Variants in CELSR3 observed in about 807,000 individuals in gnomAD.
The protein encoded by CELSR3 is EGF-like protein 1.
A neutral mutation model predicts 270.0 loss-of-function variants in CELSR3; 73 were observed. That is an observed-to-expected ratio of 0.27 (90% CI 0.22 to 0.33). The LOEUF is 0.33. CELSR3 is among the 10% of genes least tolerant of loss of function. The pLI is 1.00. For synonymous variants in CELSR3, 1,780 were observed against 1,905.4 expected (o/e 0.93, Z 1.71); for missense variants, 3,614 against 4,533.8 (o/e 0.80, Z 5.83).
Position 48,659,730 on chromosome 3 carries a change from G to A in CELSR3, c.2905C>T (p.Leu969=). The A allele has an allele frequency of 6.2e-7, 1 of 1,614,228 alleles. No individual in the cohort carries two copies. Among genetic ancestry groups the A allele is most frequent in the African/African-American group, 1.3e-5 (1 of 75,058 alleles). The change falls in exon 1 of 35, where the codon CTG becomes TTG. Residue 969 remains leucine, a synonymous_variant. Coordinates refer to ENST00000164024, the MANE Select transcript of CELSR3 (RefSeq NM_001407.3). This position sits in a 1 kb window ranked among gnomAD's most constrained non-coding sequence, Gnocchi z 8.1. ...AAAGGTGGGGCATCCTCAGAGACCA[G>A]CCCTGTATAGTGGGAGGCCACAAAT... ...PQFVASHYTG[L]VSEDAPPFTS...
At position 48,651,805 on chromosome 3, in the gene CELSR3, G is replaced by A. The variant is rs191182099; in HGVS notation, c.5923+72C>T. 5 of 1,543,978 alleles carry A rather than the reference G, an allele frequency of 3.2e-6. No individual in the cohort carries two copies. In the Admixed American group the frequency reaches 1.0e-4, roughly 32 times the overall value. On this transcript the variant is annotated intron_variant, in intron 12 of 34. Transcript: ENST00000164024. This position sits in a 1 kb window ranked among gnomAD's most constrained non-coding sequence, Gnocchi z 7.4. ...CGTCCCGAGTCCCTGCCTCCTTCAG[G>A]TTCCCCAGTCTTCATCATGGGCCCC... is the stretch of plus-strand genomic sequence containing the variant.
Position 48,650,442 on chromosome 3 carries a change from C to A in CELSR3, c.6472+38G>T. On this transcript the variant is annotated intron_variant, in intron 16 of 34. Coordinates refer to ENST00000164024, the MANE Select transcript of CELSR3 (RefSeq NM_001407.3). The surrounding 1 kb of genome is among the most constrained non-coding windows in gnomAD (Gnocchi z 5.1). ...CTAGCAGTCAGAGTACAGGCCCACC[C>A]CCACCCTCAGTGATGTCCTTTCCCC... is the stretch of plus-strand genomic sequence containing the variant. The A allele has an allele frequency of 6.0e-6, 5 of 829,402 alleles. No homozygotes were observed. The highest frequency in any genetic ancestry group is 5.5e-5 in the South Asian group (4 of 72,082). The allele number at this position is 829,402 out of a possible 1,614,324, so 51.4% of individuals were successfully genotyped here.
chr3:48,659,806 G>A lies in CELSR3; in HGVS notation c.2829C>T (p.Asp943=), dbSNP rs748726639. 1.9e-6 allele frequency: 3 copies of A among 1,614,200 alleles called. No individual in the cohort carries two copies. The change falls in exon 1 of 35, where the codon GAC becomes GAT. Residue 943 remains aspartate, a synonymous_variant. Transcript: ENST00000164024. This position sits in a 1 kb window ranked among gnomAD's most constrained non-coding sequence, Gnocchi z 8.1. ...TGACCATCACCTCCACATAAGTAGT[G>A]TCTGCCTTCTGTGGGATGCCATTGT... ...ARDNGIPQKA[D]TTYVEVMVND...
At position 48,656,906 on chromosome 3, in the gene CELSR3, G is replaced by C. The variant is rs768627524; in HGVS notation, c.4191C>G (p.Asp1397Glu). 5 of 1,610,504 alleles carry C rather than the reference G, an allele frequency of 3.1e-6. No individual in the cohort carries two copies. The highest frequency in any genetic ancestry group is 1.1e-5 in the South Asian group (1 of 90,526). ...CCGAGGCCAGGAAGGGCGCGGACGA[G>C]TCAAAGCGGAGCACGGACACGCATT... ...YMKCVSVLRFDSSAPFLASAS... is the reference protein window; with the variant it reads ...YMKCVSVLRFESSAPFLASAS... Residue 1397 changes from aspartate (D) to glutamate (E), a missense_variant, in exon 2 of 35, where the codon GAC (aspartate) becomes GAG (glutamate). Asp to Glu is a conservative substitution (Grantham distance 45). Transcript: ENST00000164024.
At position 48,661,255 on chromosome 3, in the gene CELSR3, G is replaced by A. The variant is rs1480603299; in HGVS notation, c.1380C>T (p.Gly460=). Residue 460 remains glycine, a synonymous_variant, in exon 1 of 35, where the codon GGC becomes GGT. Coordinates refer to ENST00000164024, the MANE Select transcript of CELSR3 (RefSeq NM_001407.3). ...GCAGGTTGGCGTTGGGGGGCGCGTC[G>A]CCGTCAGTGGCACGCAGCTGCAGGA... ...YPILQLRATD[G]DAPPNANLRY... 5.6e-6 allele frequency: 9 copies of A among 1,609,096 alleles called. No individual in the cohort carries two copies. In the East Asian group the frequency reaches 2.0e-4, roughly 36 times the overall value.
chr3:48,647,066 G>T, intron 20 of CELSR3, 138 bp from the exon 21 acceptor site: 2 of 758,870 alleles, frequency 2.6e-6, no homozygotes, highest in Non-Finnish European at 4.0e-6. Context: ...CATGAACCCA[G>T]AAAGTAACAG....
In CELSR3 at chr3:48,655,951, A is replaced by G; in HGVS notation, c.4626-100T>C. On this transcript the variant is annotated intron_variant, in intron 3 of 34. Coordinates refer to ENST00000164024, the MANE Select transcript of CELSR3 (RefSeq NM_001407.3). The surrounding 1 kb of genome is among the most constrained non-coding windows in gnomAD (Gnocchi z 5.8). ...CGAGGAGAAGGGGCTGGGGCGAGAG[A>G]GGAAGCGACGAGGGACGGCGGGACC... The G allele has an allele frequency of 8.4e-7, 1 of 1,192,972 alleles. No individual in the cohort carries two copies. Among genetic ancestry groups the G allele is most frequent in the Non-Finnish European group, 1.2e-6 (1 of 831,258 alleles). 73.9% of individuals were successfully genotyped at this position (1,192,972 alleles called of 1,614,324 possible).
chr3:48,653,327 G>A lies in CELSR3; in HGVS notation c.5449-140C>T, dbSNP rs2047153967. On this transcript the variant is annotated intron_variant, in intron 9 of 34. Transcript: ENST00000164024. The surrounding 1 kb of genome is among the most constrained non-coding windows in gnomAD (Gnocchi z 6.5). ...GGTTATACCTGGCACAAAGGGCACT[G>A]TGCCAGGGGACATCATGTTGCTGAT... The A allele has an allele frequency of 2.5e-6, 2 of 785,962 alleles. No homozygotes were observed. The highest frequency in any genetic ancestry group is 1.7e-5 in the African/African-American group (1 of 57,298). 48.7% of individuals were successfully genotyped at this position (785,962 alleles called of 1,614,324 possible). A position where few individuals can be genotyped will look rare whatever the true frequency, so the allele number is the denominator to read the frequency against.
rs1043838373 is a variant in CELSR3, at chr3:48,642,251, A to G, written c.8665+107T>C. ...CCTCCTGAGGCAGGGACCCTGGGGG[A>G]GATCGTCCCACCCCAGTCAGCCACT... On this transcript the variant is annotated intron_variant, in intron 31 of 34. Coordinates refer to ENST00000164024, the MANE Select transcript of CELSR3 (RefSeq NM_001407.3). This position sits in a 1 kb window ranked among gnomAD's most constrained non-coding sequence, Gnocchi z 6.1. 1 of 1,213,100 alleles carries G rather than the reference A, an allele frequency of 8.2e-7. No homozygotes were observed. Among genetic ancestry groups the G allele is most frequent in the Non-Finnish European group, 1.1e-6 (1 of 878,644 alleles). 75.1% of individuals were successfully genotyped at this position (1,213,100 alleles called of 1,614,324 possible). A position where few individuals can be genotyped will look rare whatever the true frequency, so the allele number is the denominator to read the frequency against.
Position 48,658,872 on chromosome 3 carries a change from C to T in CELSR3, c.3748+15G>A. On this transcript the variant is annotated intron_variant, in intron 1 of 34. Coordinates refer to ENST00000164024, the MANE Select transcript of CELSR3 (RefSeq NM_001407.3). The surrounding 1 kb of genome is among the most constrained non-coding windows in gnomAD (Gnocchi z 4.7). ...TTGGTGTCACTGGGTCACTTGCCTG[C>T]CCCCTGCCCCTCACCTGTGACAGTC... 1.2e-6 allele frequency: 2 copies of T among 1,608,064 alleles called. No homozygotes were observed. The highest frequency in any genetic ancestry group is 1.7e-6 in the Non-Finnish European group (2 of 1,175,790).
At position 48,661,613 on chromosome 3, in the gene CELSR3, C is replaced by A; in HGVS notation, c.1022G>T (p.Gly341Val). 6.2e-7 allele frequency: 1 copy of A among 1,607,464 alleles called. No homozygotes were observed. Among genetic ancestry groups the A allele is most frequent in the Non-Finnish European group, 8.5e-7 (1 of 1,177,362 alleles). The change falls in exon 1 of 35, where the codon GGC becomes GTC. Residue 341 changes from glycine to valine, a missense_variant. By Grantham distance (109) the Gly-to-Val change is moderately radical. This residue lies in a region of CELSR3 where 354 missense variants were observed against 500.9 expected (regional missense o/e 0.71). Coordinates refer to ENST00000164024, the MANE Select transcript of CELSR3 (RefSeq NM_001407.3). ...QTLVPENEAA[G>V]TAVLRVVAQD... The stretch of plus-strand genomic sequence containing the variant: ...AGCAACCACGCGTAGCACCGCGGTG[C>A]CTGCTGCCTCATTCTCCGGCACCAG...
Position 48,637,103 on chromosome 3 carries a change from T to G in CELSR3, c.*1102A>C, listed in dbSNP as rs1237097863. 6.6e-6 allele frequency: 1 copy of G among 152,530 alleles called. No homozygotes were observed. The highest frequency in any genetic ancestry group is 1.5e-5 in the Non-Finnish European group (1 of 68,030). The allele number at this position is 152,530 out of a possible 1,614,324, so 9.4% of individuals were successfully genotyped here. On this transcript the variant is annotated 3_prime_UTR_variant, in exon 35 of 35. Transcript: ENST00000164024. ...TGGACTTGTAAACAGTAACAAAATT[T>G]TAAAGTCTTCAGTTCTGGACAGCAG...
rs753753780 is a variant in CELSR3, at chr3:48,638,193, G to A, written c.*12C>T. 1.1e-5 allele frequency: 17 copies of A among 1,610,744 alleles called. No individual in the cohort carries two copies. The highest frequency in any genetic ancestry group is 4.0e-5 in the African/African-American group (3 of 74,772). ...TCGCCCTCAGCTGTTCCTCGTCCAC[G>A]CCGTCATCCCCTCAGGAGTGACCCT... On this transcript the variant is annotated 3_prime_UTR_variant, in exon 35 of 35. Coordinates refer to ENST00000164024, the MANE Select transcript of CELSR3 (RefSeq NM_001407.3).
chr3:48,662,416 A>C lies in CELSR3; in HGVS notation c.219T>G (p.Asp73Glu). ...CCCTGACCCCCAGGCCAGGCCCCCC[A>C]TCCTCCCGGACCCCGGAAGACTCCG... is the stretch of plus-strand genomic sequence containing the variant. ...LCPESSGVREDGGPGLGVREP... is the reference protein window; with the variant it reads ...LCPESSGVREEGGPGLGVREP... Residue 73 changes from aspartate (D) to glutamate (E), a missense_variant, in exon 1 of 35, where the codon GAT (aspartate) becomes GAG (glutamate). By Grantham distance (45) the Asp-to-Glu change is conservative. Around this residue, in one of 7 missense-constraint regions of CELSR3, gnomAD observed 470 missense variants for 469.7 expected, o/e 1.00. Transcript: ENST00000164024. The surrounding 1 kb of genome is among the most constrained non-coding windows in gnomAD (Gnocchi z 7.1). 1 of 1,612,502 alleles carries C rather than the reference A, an allele frequency of 6.2e-7. No individual in the cohort carries two copies. The highest frequency in any genetic ancestry group is 8.5e-7 in the Non-Finnish European group (1 of 1,179,812).
Position 48,648,336 on chromosome 3 carries a change from A to AT in CELSR3, c.6902dup (p.Tyr2301Ter). ...CCATATTCCTTGCGAGTGTGGCTGC[A>AT]TACTCCTCCAGGTGCCTCACCAGTC... ...SAGLVRHLEE[Y>*]AATLARNMEL... The change falls in exon 19 of 35, where the codon TAT (tyrosine) becomes TAAT (stop). Residue 2301 changes from tyrosine to a stop codon, truncating the protein, a stop_gained and frameshift_variant. Coordinates refer to ENST00000164024, the MANE Select transcript of CELSR3 (RefSeq NM_001407.3). LOFTEE classifies it high-confidence loss of function. 2 of 1,607,500 alleles carry AT rather than the reference A, an allele frequency of 1.2e-6. No homozygotes were observed. Among genetic ancestry groups the AT allele is most frequent in the Non-Finnish European group, 1.7e-6 (2 of 1,177,376 alleles).
rs776418025 is a variant in CELSR3 at position 48,660,241 on chromosome 3, G to A, written c.2394C>T (p.Thr798=). ...GGGTGCTGATGGCAAAGCGATTCCG[G>A]GTGTTGCCGCCTGTGATCTGGTAGC... The part of the protein sequence containing the change: ...AISYQITGGN[T]RNRFAISTQG... Residue 798 remains threonine (T), a synonymous_variant, in exon 1 of 35, where the codon ACC becomes ACT. Transcript: ENST00000164024. The surrounding 1 kb of genome is among the most constrained non-coding windows in gnomAD (Gnocchi z 5.5). 2 of 1,614,100 alleles carry A rather than the reference G, an allele frequency of 1.2e-6. No individual in the cohort carries two copies. Among genetic ancestry groups the A allele is most frequent in the Non-Finnish European group, 1.7e-6 (2 of 1,180,032 alleles).
chr3:48,639,659 C>G lies in CELSR3; in HGVS notation c.9911+15G>C, dbSNP rs758629916. 3.1e-6 allele frequency: 5 copies of G among 1,612,078 alleles called. No homozygotes were observed. Among genetic ancestry groups the G allele is most frequent in the Non-Finnish European group, 3.4e-6 (4 of 1,179,258 alleles). On this transcript the variant is annotated intron_variant, in intron 34 of 34. Transcript: ENST00000164024. The surrounding 1 kb of genome is among the most constrained non-coding windows in gnomAD (Gnocchi z 4.1). ...AGCTGATGAGGGTGCAAGCAGGTGG[C>G]TGGACCATACTTACTCTGAGTCTGG...
At position 48,656,771 on chromosome 3, in the gene CELSR3, G is replaced by T. The variant is rs1434481794; in HGVS notation, c.4326C>A (p.Asn1442Lys). 1.3e-6 allele frequency: 2 copies of T among 1,581,392 alleles called. No homozygotes were observed. Among genetic ancestry groups the T allele is most frequent in the Admixed American group, 3.6e-5 (2 of 56,288 alleles). ...CGCAGGCTCCGCCGTTGCGACATGGGTTGGAGTAGCAGAGGTCGAGCTCGG... is the reference window on the plus strand; with the variant it reads ...CGCAGGCTCCGCCGTTGCGACATGGTTTGGAGTAGCAGAGGTCGAGCTCGG... ...CETELDLCYS[N>K]PCRNGGACAR... Residue 1442 changes from asparagine (N) to lysine (K), a missense_variant, in exon 2 of 35, where the codon AAC becomes AAA. Asn to Lys is a moderately conservative substitution (Grantham distance 94, BLOSUM62 0). This residue lies in a region of CELSR3 where 1,331 missense variants were observed against 1,933.7 expected (regional missense o/e 0.69). Transcript: ENST00000164024.
chr3:48,660,725 G>T lies in CELSR3; in HGVS notation c.1910C>A (p.Ala637Asp). The change falls in exon 1 of 35, where the codon GCC becomes GAC. Residue 637 changes from alanine (A) to aspartate (D), a missense_variant. By Grantham distance (126) the Ala-to-Asp change is moderately radical. Coordinates refer to ENST00000164024, the MANE Select transcript of CELSR3 (RefSeq NM_001407.3). This position sits in a 1 kb window ranked among gnomAD's most constrained non-coding sequence, Gnocchi z 5.5. ...ATTGATGTCCACCACCTGGATGCTG[G>T]CCAGGCCCGTGTTGTTGGACAGCGG... The part of the protein sequence containing the change: ...RPPLSNNTGL[A>D]SIQVVDINDH... The T allele has an allele frequency of 1.2e-6, 2 of 1,614,052 alleles. No homozygotes were observed. Among genetic ancestry groups the T allele is most frequent in the Non-Finnish European group, 1.7e-6 (2 of 1,180,042 alleles).
Sources: gnomAD v4.1 joint callset for allele counts on GRCh38, gnomAD v4.1.1 for gene constraint, gnomAD v4.1.1 regional missense constraint, Gnocchi (gnomAD v3.1) non-coding constraint, MANE v1.5 for transcripts, NCBI Gene and HGNC (gene_info 2026-07-23, HGNC 2026-07-21) for gene names.